Variants in PTDSS2 observed in about 807,000 individuals in gnomAD.
The protein encoded by PTDSS2 is phosphatidylserine synthase 2.
A neutral mutation model predicts 64.7 loss-of-function variants in PTDSS2; 41 were observed. That is an observed-to-expected ratio of 0.63 (90% CI 0.49 to 0.82). The LOEUF is 0.82. PTDSS2 is among the 40% of genes least tolerant of loss of function. PTDSS2 has a pLI of 0.00. For synonymous variants in PTDSS2, 297 were observed against 277.8 expected (o/e 1.07, Z -0.69); for missense variants, 485 against 650.0 (o/e 0.75, Z 2.76).
Position 474,889 on chromosome 11 carries a change from GCGGACATATTCACACGTTCGTGTA to G in PTDSS2, c.367+926_367+949del, listed in dbSNP as rs1564979089. Among the ~76,000 whole-genome samples, 4 of 147,618 alleles carry G rather than the reference GCGGACATATTCACACGTTCGTGTA, an allele frequency of 2.7e-5. No individual in the cohort carries two copies. In the South Asian group the frequency reaches 6.6e-4, roughly 24 times the overall value. On this transcript the variant is annotated intron_variant, in intron 3 of 11. Transcript: ENST00000308020. ...CGGACATATTCACGTGTTTGTGTGTGCGGACATATTCACACGTTCGTGTACGGACATATTCACGCGTTTATGATA... is the reference window on the plus strand; with the variant it reads ...CGGACATATTCACGTGTTTGTGTGTGCGGACATATTCACGCGTTTATGATA...
chr11:478,451 C>CAA (rs34836032), intron 3 of PTDSS2, among the ~76,000 whole-genome samples: 1 of 140,810 alleles, frequency 7.1e-6, no homozygotes, highest in Non-Finnish European at 1.6e-5. Context: ...GACCTTGTCT[C>CAA]AAAAAAAAAA....
chr11:480,977 G>T (rs1005814984), intron 4 of PTDSS2, among the ~76,000 whole-genome samples: 49 of 151,930 alleles, frequency 3.2e-4, no homozygotes, highest in African/African-American at 1.1e-3. Context: ...CCAGCTGCTC[G>T]GGAGGCTGAG....
rs1846876718 is a variant in PTDSS2, at chr11:461,422, G to A, written c.284+1134G>A. Among the ~76,000 whole-genome samples the A allele has an allele frequency of 6.6e-6, 1 of 152,156 alleles. No individual in the cohort carries two copies. The highest frequency in any genetic ancestry group is 1.5e-5 in the Non-Finnish European group (1 of 68,022). ...TCATAACTGAGTCCATCTCCCTGGG[G>A]GCAGTGGGGCATTTCTGGTTAGAAA... On this transcript the variant is annotated intron_variant, in intron 2 of 11. Transcript: ENST00000308020. This position sits in a 1 kb window ranked among gnomAD's most constrained non-coding sequence, Gnocchi z 4.2.
intron 2 of PTDSS2, among the ~76,000 whole-genome samples, chr11:467,756 A>G (rs1847207244): frequency 6.6e-6 from 1 of 152,184 alleles, no homozygotes; most frequent in African/African-American, 2.4e-5. Flanking sequence ...ATAGATATAG[A>G]TAGATAGATA....
At chr11:456,645 C>G (rs1036264675) in intron 1 of PTDSS2, among the ~76,000 whole-genome samples, 2 of 152,202 alleles carry the variant, frequency 1.3e-5, no homozygotes, top group African/African-American at 2.4e-5. Context: ...CAAGGGCTGT[C>G]TCCAGGAGGA....
At chr11:472,066 G>A (rs1210872535) in intron 2 of PTDSS2, among the ~76,000 whole-genome samples, 6 of 149,500 alleles carry the variant, frequency 4.0e-5, no homozygotes, top group East Asian at 2.0e-4. Context: ...CTGGGGTAAC[G>A]CGGATGGCGG....
intron 2 of PTDSS2, among the ~76,000 whole-genome samples, chr11:465,098 C>T (rs1028032269): frequency 3.3e-5 from 5 of 152,190 alleles, no homozygotes; most frequent in Admixed American, 6.6e-5. Context: ...AGAACATCCA[C>T]GTGCAAATCT....
upstream of PTDSS2, chr11:450,179 T>A: frequency 3.0e-6 from 1 of 331,032 alleles, no homozygotes; most frequent in Non-Finnish European, 5.5e-6. Context: ...CCGGCTCCGG[T>A]TTCCCAGCAA....
At chr11:478,923 C>T (rs1453374338) in intron 3 of PTDSS2, among the ~76,000 whole-genome samples, 162 bp from the exon 4 acceptor site, 1 of 152,170 alleles carries the variant, frequency 6.6e-6, no homozygotes, top group Non-Finnish European at 1.5e-5. Context: ...GAAATTGTGC[C>T]TAATTCTGAG....
chr11:488,193 C>T lies in PTDSS2; in HGVS notation c.622-6C>T, dbSNP rs1338749219. The T allele has an allele frequency of 1.9e-6, 3 of 1,608,436 alleles. No individual in the cohort carries two copies. The highest frequency in any genetic ancestry group is 3.3e-5 in the Admixed American group (2 of 59,978). ...CCCATACTCTGGCTGACCCTGGCGC[C>T]CACAGACCCTGATGATCCGAGACTG... On this transcript the variant is annotated splice_polypyrimidine_tract_variant and splice_region_variant and intron_variant, in intron 6 of 11. Coordinates refer to ENST00000308020, the MANE Select transcript of PTDSS2 (RefSeq NM_030783.3).
chr11:479,461 G>C lies in PTDSS2; in HGVS notation c.435+309G>C, dbSNP rs1313560225. 4.2e-6 allele frequency: 2 copies of C among 472,894 alleles called. No individual in the cohort carries two copies. Among genetic ancestry groups the C allele is most frequent in the Non-Finnish European group, 7.7e-6 (2 of 258,812 alleles). 29.3% of individuals were successfully genotyped at this position (472,894 alleles called of 1,614,324 possible). ...ACACTTAAGGAGGGCAGGGCCAGTG[G>C]TGCAGGCACAGAAGAGGGCAGGGCC... On this transcript the variant is annotated intron_variant, in intron 4 of 11. Coordinates refer to ENST00000308020, the MANE Select transcript of PTDSS2 (RefSeq NM_030783.3). The surrounding 1 kb of genome is among the most constrained non-coding windows in gnomAD (Gnocchi z 4.2).
At chr11:469,494 G>A (rs939473538) in intron 2 of PTDSS2, among the ~76,000 whole-genome samples, 1 of 150,650 alleles carries the variant, frequency 6.6e-6, no homozygotes, top group African/African-American at 2.4e-5. Context: ...GAGGGAGGAG[G>A]AGGGGAGTCT....
intron 3 of PTDSS2, among the ~76,000 whole-genome samples, chr11:478,735 T>TA (rs141746720): frequency 4.1e-5 from 6 of 147,352 alleles, no homozygotes; most frequent in East Asian, 2.0e-4. Context: ...AGACTCCATC[T>TA]AAAAAAAAAA....
At chr11:463,413 G>A (rs1846986888) in intron 2 of PTDSS2, 1 of 150,164 alleles carries the variant, frequency 6.7e-6, no homozygotes, top group Non-Finnish European at 1.5e-5. Flanking sequence ...TTTTAGTGGA[G>A]ACGGGGTTTC....
chr11:471,041 A>T (rs1438268577), intron 2 of PTDSS2, among the ~76,000 whole-genome samples: 1 of 152,154 alleles, frequency 6.6e-6, no homozygotes, highest in African/African-American at 2.4e-5. Flanking sequence ...TTCCTTTTAA[A>T]GCACTTCCCT....
rs1484362011 is a variant in PTDSS2 at position 461,854 on chromosome 11, C to T, written c.284+1566C>T. Among the ~76,000 whole-genome samples the T allele has an allele frequency of 6.6e-6, 1 of 152,204 alleles. No individual in the cohort carries two copies. Among genetic ancestry groups the T allele is most frequent in the African/African-American group, 2.4e-5 (1 of 41,458 alleles). On this transcript the variant is annotated intron_variant, in intron 2 of 11. Transcript: ENST00000308020. The surrounding 1 kb of genome is among the most constrained non-coding windows in gnomAD (Gnocchi z 4.2). ...CCTGGGGCCCCTGTGGAGGGGCCAC[C>T]TGGGGACGCTGGACCTGTGGCTCTG...
intron 4 of PTDSS2, chr11:480,033 C>T (rs1191296864): frequency 6.6e-6 from 1 of 152,454 alleles, no homozygotes; most frequent in Admixed American, 6.5e-5. Flanking sequence ...AAGAATTCCA[C>T]TGGCCCTAAA....
chr11:457,139 A>G (rs1355321245), intron 1 of PTDSS2, among the ~76,000 whole-genome samples: 3 of 152,246 alleles, frequency 2.0e-5, no homozygotes, highest in Non-Finnish European at 4.4e-5. Context: ...CAAAAAATAC[A>G]GAAAGTTCCA....
At chr11:480,952 C>T (rs1590668869) in intron 4 of PTDSS2, among the ~76,000 whole-genome samples, 2 of 152,042 alleles carry the variant, frequency 1.3e-5, no homozygotes, top group Non-Finnish European at 1.5e-5. Context: ...GGCGTGGTCG[C>T]GGGCGCCTGT....
Sources: allele counts gnomAD v4.1 joint callset (sites outside exome capture counted in the v4.1 genomes callset), GRCh38; gene constraint gnomAD v4.1.1; non-coding constraint Gnocchi (gnomAD v3.1); transcripts MANE v1.5; gene names NCBI Gene and HGNC (gene_info 2026-07-23, HGNC 2026-07-21).